SH3RF3: variants seen among roughly 807,000 people sequenced by gnomAD.
The protein encoded by SH3RF3 is SH3 domain containing ring finger 3.
SH3RF3 carries 29 observed loss-of-function variants against 66.3 expected under a neutral mutation model. The observed-to-expected ratio is 0.44, with a 90% confidence interval of 0.33 to 0.60. The LOEUF (loss-of-function observed/expected upper bound fraction) is 0.60, where lower values mean the gene tolerates loss of function less well. SH3RF3 is among the 20% of genes least tolerant of loss of function. The pLI, the probability that SH3RF3 is intolerant of heterozygous loss-of-function variation, is 0.04. For synonymous variants in SH3RF3, 583 were observed against 532.0 expected (o/e 1.10, Z -1.32); for missense variants, 1,194 against 1,190.9 (o/e 1.00, Z -0.04).
intron 1 of SH3RF3, among the ~76,000 whole-genome samples, chr2:109,211,118 T>C (rs1165913459): frequency 6.6e-6 from 1 of 152,154 alleles, no homozygotes. Context: ...CTATGGGGCC[T>C]CTGGAGAAAA....
chr2:109,182,897 T>G (rs905789059), intron 1 of SH3RF3, among the ~76,000 whole-genome samples: 2 of 152,200 alleles, frequency 1.3e-5, no homozygotes, highest in Non-Finnish European at 2.9e-5. Flanking sequence ...TGTTTTTCAC[T>G]CTCATATTTC....
chr2:109,411,500 C>A (rs537597476), intron 4 of SH3RF3, among the ~76,000 whole-genome samples: 15 of 152,328 alleles, frequency 9.8e-5, no homozygotes, highest in Admixed American at 9.1e-4. Context: ...TGGCCACCAG[C>A]AAATTGCTGC....
At chr2:109,293,128 G>C (rs933034273) in intron 1 of SH3RF3, among the ~76,000 whole-genome samples, 5 of 152,226 alleles carry the variant, frequency 3.3e-5, no homozygotes, top group Non-Finnish European at 5.9e-5. Flanking sequence ...GGACACACTA[G>C]AAGGAATGGG....
rs369812530 is a variant in SH3RF3 at position 109,213,046 on chromosome 2, G to A, written c.573+82933G>A. Among the ~76,000 whole-genome samples, 19 of 152,364 alleles carry A rather than the reference G, an allele frequency of 1.2e-4. No individual in the cohort carries two copies. In the East Asian group the frequency reaches 2.7e-3, roughly 22 times the overall value. On this transcript the variant is annotated intron_variant, in intron 1 of 9. Transcript: ENST00000309415. ...GGTAGGAGTGCACTCTGAGCAGGTG[G>A]AGGATGCAGTCCTGGGAAGGCTCGG...
At chr2:109,249,917 C>T (rs1009107474) in intron 1 of SH3RF3, among the ~76,000 whole-genome samples, 6 of 151,802 alleles carry the variant, frequency 4.0e-5, no homozygotes, top group Non-Finnish European at 8.8e-5. Flanking sequence ...ATCTCCTGAC[C>T]TCATGATCCA....
chr2:109,350,499 C>T (rs1489234698), intron 2 of SH3RF3, among the ~76,000 whole-genome samples: 1 of 152,204 alleles, frequency 6.6e-6, no homozygotes, highest in Non-Finnish European at 1.5e-5. Flanking sequence ...GCTCCTATGC[C>T]CACTTTGACC....
At chr2:109,493,418 A>T (rs1420940190) in intron 9 of SH3RF3, among the ~76,000 whole-genome samples, 2 of 151,452 alleles carry the variant, frequency 1.3e-5, no homozygotes, top group Non-Finnish European at 2.9e-5. Flanking sequence ...CACATACATC[A>T]TGCAAACACA....
intron 2 of SH3RF3, among the ~76,000 whole-genome samples, chr2:109,369,668 G>A (rs144389474): frequency 2.4e-3 from 362 of 152,306 alleles, no homozygotes; most frequent in African/African-American, 8.4e-3. Context: ...GTTTGGAAGA[G>A]GCATGGGAGG....
intron 1 of SH3RF3, among the ~76,000 whole-genome samples, chr2:109,329,668 A>C (rs567388692): frequency 6.6e-6 from 1 of 152,148 alleles, no homozygotes; most frequent in East Asian, 1.9e-4. Context: ...TAGAGGCTGC[A>C]AGAGGGCAGT....
chr2:109,319,542 GA>G (rs1681969147), intron 1 of SH3RF3, among the ~76,000 whole-genome samples: 1 of 152,236 alleles, frequency 6.6e-6, no homozygotes, highest in Non-Finnish European at 1.5e-5. Context: ...TTCTGAGTGA[GA>G]GGGGGCTCAC....
At chr2:109,228,388 G>A (rs1409002722) in intron 1 of SH3RF3, among the ~76,000 whole-genome samples, 3 of 152,170 alleles carry the variant, frequency 2.0e-5, no homozygotes, top group African/African-American at 7.2e-5. Flanking sequence ...ACCCTGTAGA[G>A]GAAAACCAAC....
chr2:109,129,427 A>G lies in SH3RF3; in HGVS notation c.-114A>G, dbSNP rs1446836180. On this transcript the variant is annotated 5_prime_UTR_variant, in exon 1 of 10. Transcript: ENST00000309415. The stretch of plus-strand genomic sequence containing the variant: ...AGCATCGGGCCACCAGCCGGGGTGA[A>G]GAAAGTCACGGCGGAGCCCGGCTCC... The G allele has an allele frequency of 6.8e-7, 1 of 1,476,980 alleles. No homozygotes were observed. The highest frequency in any genetic ancestry group is 9.0e-7 in the Non-Finnish European group (1 of 1,110,058). 91.5% of individuals were successfully genotyped at this position (1,476,980 alleles called of 1,614,324 possible).
chr2:109,446,453 A>G (rs182039677), intron 7 of SH3RF3, among the ~76,000 whole-genome samples: 171 of 152,322 alleles, frequency 1.1e-3, no homozygotes, highest in African/African-American at 3.9e-3. Flanking sequence ...AAATTACACA[A>G]CTGTGAGGAG....
chr2:109,410,628 C>A (rs563627116), intron 4 of SH3RF3, among the ~76,000 whole-genome samples: 2 of 152,354 alleles, frequency 1.3e-5, no homozygotes, highest in South Asian at 4.1e-4. Context: ...TCTGTAGGGT[C>A]AGTGACTCAG....
At chr2:109,150,757 C>G (rs962472212) in intron 1 of SH3RF3, among the ~76,000 whole-genome samples, 3 of 152,086 alleles carry the variant, frequency 2.0e-5, no homozygotes, top group Non-Finnish European at 2.9e-5. Context: ...GGTTAGAATT[C>G]TGTTCTGATC....
chr2:109,154,479 A>C (rs1294413348), intron 1 of SH3RF3, among the ~76,000 whole-genome samples: 1 of 152,152 alleles, frequency 6.6e-6, no homozygotes, highest in East Asian at 1.9e-4. Context: ...AGCCTTTTTG[A>C]GGGGCCAGGC....
intron 1 of SH3RF3, among the ~76,000 whole-genome samples, chr2:109,150,423 G>A (rs1469515876): frequency 6.6e-6 from 1 of 152,086 alleles, no homozygotes; most frequent in Non-Finnish European, 1.5e-5. Flanking sequence ...TATGAGCCTG[G>A]AACTACTCTG....
chr2:109,427,089 C>T (rs1294239622), intron 5 of SH3RF3, among the ~76,000 whole-genome samples: 1 of 152,104 alleles, frequency 6.6e-6, no homozygotes, highest in African/African-American at 2.4e-5. Flanking sequence ...TGGCCCTAGC[C>T]TCCCTAGTAG....
chr2:109,185,298 TA>T (rs890553396), intron 1 of SH3RF3, among the ~76,000 whole-genome samples: 1 of 152,230 alleles, frequency 6.6e-6, no homozygotes, highest in African/African-American at 2.4e-5. Context: ...AAATCCCATG[TA>T]AGAGGAGCTC....
Sources: gnomAD v4.1 joint callset for allele counts (sites outside exome capture counted in the v4.1 genomes callset) on GRCh38, gnomAD v4.1.1 for gene constraint, MANE v1.5 for transcripts, NCBI Gene and HGNC (gene_info 2026-07-23, HGNC 2026-07-21) for gene names.